PSMD11: variants seen among roughly 807,000 people sequenced by gnomAD.
PSMD11 encodes the protein 26S proteasome non-ATPase regulatory subunit 11.
A neutral mutation model predicts 62.3 loss-of-function variants in PSMD11; 5 were observed. The observed-to-expected ratio is 0.08, with a 90% CI of 0.04 to 0.17. The LOEUF is 0.17. Ranked by LOEUF, PSMD11 falls within the 10% of genes least tolerant of loss-of-function variation. PSMD11 has a pLI of 1.00. For synonymous variants in PSMD11, 191 were observed against 191.8 expected (o/e 1.00, Z 0.03); for missense variants, 310 against 512.9 (o/e 0.60, Z 3.82).
At chr17:32,472,745 C>G (rs1908203959) in intron 6 of PSMD11, among the ~76,000 whole-genome samples, 1 of 151,640 alleles carries the variant, frequency 6.6e-6, no homozygotes, top group South Asian at 2.1e-4. Context: ...CCATGTTGGC[C>G]AGGCTGGTCT....
intron 2 of PSMD11, among the ~76,000 whole-genome samples, chr17:32,448,938 G>A (rs752462477): frequency 3.3e-4 from 50 of 152,146 alleles, no homozygotes; most frequent in Non-Finnish European, 6.5e-4. Context: ...GGTGGGTGGT[G>A]TCTTTTCATC....
At chr17:32,479,700 G>A in intron 10 of PSMD11, 151 bp from the exon 11 acceptor site, 1 of 869,062 alleles carries the variant, frequency 1.2e-6, no homozygotes, top group South Asian at 1.6e-5. Flanking sequence ...GCAGGCAGAT[G>A]GGCAGAGAAC....
chr17:32,444,839 A>T, intron 1 of PSMD11: 1 of 567,584 alleles, frequency 1.8e-6, no homozygotes, highest in Non-Finnish European at 3.0e-6. Flanking sequence ...CCGGCTGCTG[A>T]CTCACGGGGG....
chr17:32,480,662 G>C, intron 13 of PSMD11, 31 bp downstream of exon 13: 1 of 1,612,434 alleles, frequency 6.2e-7, no homozygotes, highest in Non-Finnish European at 8.5e-7. Flanking sequence ...CCCAGGGCTG[G>C]GCAGCTCTGT....
At chr17:32,470,944 A>G (rs1351706491) in intron 6 of PSMD11, among the ~76,000 whole-genome samples, 1 of 152,200 alleles carries the variant, frequency 6.6e-6, no homozygotes, top group Non-Finnish European at 1.5e-5. Flanking sequence ...TTTTTTGAGT[A>G]GGCTGGAAGG....
intron 3 of PSMD11, among the ~76,000 whole-genome samples, chr17:32,461,017 T>C (rs1382658207): frequency 1.3e-5 from 2 of 152,064 alleles, no homozygotes; most frequent in Non-Finnish European, 2.9e-5. Context: ...CTTCCAGGGA[T>C]CTCTGGGGAG....
In PSMD11 at chr17:32,483,196, C is replaced by T. The variant is rs933072706; in HGVS notation, c.*2444C>T. On this transcript the variant is annotated 3_prime_UTR_variant, in exon 14 of 14. Transcript: ENST00000261712. The stretch of plus-strand genomic sequence containing the variant: ...GATACACTGCAAGTGTAAACACAAA[C>T]CAGACTTCGAAGGCTTAGTATGATA... The T allele has an allele frequency of 6.6e-6, 1 of 152,122 alleles. No individual in the cohort carries two copies. Among genetic ancestry groups the T allele is most frequent in the African/African-American group, 2.4e-5 (1 of 41,420 alleles). The allele number at this position is 152,122 out of a possible 1,614,324, so 9.4% of individuals were successfully genotyped here.
At chr17:32,462,572 A>G (rs925094034) in intron 3 of PSMD11, among the ~76,000 whole-genome samples, 3 of 152,208 alleles carry the variant, frequency 2.0e-5, no homozygotes, top group South Asian at 2.1e-4. Flanking sequence ...TCCTCTGAAT[A>G]CTGTGTAATG....
intron 3 of PSMD11, among the ~76,000 whole-genome samples, chr17:32,456,724 GGTTTCACAGT>G (rs1397052607): frequency 6.6e-6 from 1 of 152,220 alleles, no homozygotes; most frequent in Non-Finnish European, 1.5e-5. Context: ...GGAGAGATGG[GGTTTCACAGT>G]GTTAGTCAGG....
At chr17:32,474,655 TG>T in intron 7 of PSMD11, 108 bp from the exon 8 acceptor site, 2 of 1,078,216 alleles carry the variant, frequency 1.9e-6, no homozygotes, top group Non-Finnish European at 2.9e-6. Flanking sequence ...ATTGTCTGTG[TG>T]GGCAGAGTCT....
At chr17:32,463,934 A>G (rs943936834) in intron 3 of PSMD11, 115 bp from the exon 4 acceptor site, 1 of 967,732 alleles carries the variant, frequency 1.0e-6, no homozygotes, top group Non-Finnish European at 1.7e-6. Context: ...ATCAGACACT[A>G]AATAGAGCAA....
At chr17:32,479,130 C>A (rs1343993730) in intron 9 of PSMD11, 121 bp from the exon 10 acceptor site, 36 of 1,304,380 alleles carry the variant, frequency 2.8e-5, no homozygotes, top group Non-Finnish European at 3.8e-5. Context: ...CTCCCCAGAT[C>A]TCCCCTAACT....
At position 32,473,784 on chromosome 17, in the gene PSMD11, T is replaced by G; in HGVS notation, c.644-17T>G. The G allele has an allele frequency of 6.2e-7, 1 of 1,612,522 alleles. No homozygotes were observed. The highest frequency in any genetic ancestry group is 1.7e-4 in the Middle Eastern group (1 of 6,046). ...TATTATTTTATATGTTCTTATTCCT[T>G]TCTTTTCAATGCCCAGGTATTATCC... On this transcript the variant is annotated splice_polypyrimidine_tract_variant and intron_variant, in intron 6 of 13. Transcript: ENST00000261712.
At position 32,473,880 on chromosome 17, in the gene PSMD11, C is replaced by T; in HGVS notation, c.723C>T (p.Ser241=). ...ATGAGGCATTTGAGGGTTATGACTC[C>T]ATCGACAGCCCCAAGGCCATCACAT... The part of the protein sequence containing the change: ...YFYEAFEGYD[S]IDSPKAITSL... The change falls in exon 7 of 14, where the codon TCC becomes TCT. Residue 241 remains serine, a synonymous_variant. Transcript: ENST00000261712. The T allele has an allele frequency of 6.2e-7, 1 of 1,614,166 alleles. No homozygotes were observed. Among genetic ancestry groups the T allele is most frequent in the South Asian group, 1.1e-5 (1 of 91,084 alleles).
At chr17:32,460,157 C>G (rs931400963) in intron 3 of PSMD11, among the ~76,000 whole-genome samples, 1 of 152,096 alleles carries the variant, frequency 6.6e-6, no homozygotes, top group Non-Finnish European at 1.5e-5. Context: ...CATCTGGGCT[C>G]AAGCATTTCT....
In PSMD11 at chr17:32,480,562, T is replaced by C. The variant is rs928955868; in HGVS notation, c.1200T>C (p.Ala400=). The C allele has an allele frequency of 1.9e-6, 3 of 1,614,138 alleles. No individual in the cohort carries two copies. The highest frequency in any genetic ancestry group is 1.3e-5 in the African/African-American group (1 of 75,044). ...EPPVDKTYEA[A]LETIQNMSKV... ...CAGTAGATAAAACTTACGAAGCTGC[T>C]CTGGAAACAATTCAGAACATGAGCA... The change falls in exon 13 of 14, where the codon GCT becomes GCC. Residue 400 remains alanine, a synonymous_variant. Transcript: ENST00000261712.
At chr17:32,467,238 C>T (rs947749371) in intron 5 of PSMD11, among the ~76,000 whole-genome samples, 3 of 144,082 alleles carry the variant, frequency 2.1e-5, no homozygotes, top group Non-Finnish European at 3.0e-5. Flanking sequence ...CCACCATGCC[C>T]GGCCTTTTTT....
chr17:32,459,488 TCGGC>T, intron 3 of PSMD11, among the ~76,000 whole-genome samples: 1 of 152,224 alleles, frequency 6.6e-6, no homozygotes, highest in African/African-American at 2.4e-5. Flanking sequence ...TCCTCTGGAC[TCGGC>T]CTCCCAAAGT....
intron 3 of PSMD11, among the ~76,000 whole-genome samples, chr17:32,458,948 A>T (rs1597834278): frequency 1.3e-5 from 2 of 151,892 alleles, no homozygotes; most frequent in Middle Eastern, 3.4e-3. Context: ...TACAAAAATT[A>T]GCCAGGTGTG....
Sources: gnomAD v4.1 joint callset for allele counts (sites outside exome capture counted in the v4.1 genomes callset) on GRCh38, gnomAD v4.1.1 for gene constraint, MANE v1.5 for transcripts, NCBI Gene and HGNC (gene_info 2026-07-23, HGNC 2026-07-21) for gene names.